The following RAB4A variants were observed in gnomAD, a reference collection of about 807,000 sequenced individuals.
RAB4A encodes ras-related protein Rab-4A.
Under a neutral mutation model 34.5 loss-of-function variants are expected in RAB4A, and 20 were observed. That is an observed-to-expected ratio of 0.58 (90% CI 0.41 to 0.84). RAB4A has a LOEUF of 0.84. RAB4A is among the 40% of genes least tolerant of loss of function. The pLI, the probability that RAB4A is intolerant of heterozygous loss-of-function variation, is 0.00. For missense variants in RAB4A, 228 were observed against 274.5 expected (o/e 0.83, Z 1.20); for synonymous variants, 102 against 100.0 (o/e 1.02, Z -0.12).
At position 229,304,151 on chromosome 1, in the gene RAB4A, TTTTA is replaced by T. The variant is rs2102682441; in HGVS notation, c.*362_*365del. The T allele has an allele frequency of 6.6e-6, 1 of 152,258 alleles. No homozygotes were observed. The highest frequency in any genetic ancestry group is 2.4e-5 in the African/African-American group (1 of 41,534). The allele number at this position is 152,258 out of a possible 1,614,324, so 9.4% of individuals were successfully genotyped here. On this transcript the variant is annotated 3_prime_UTR_variant, in exon 8 of 8. Coordinates refer to ENST00000366690, the MANE Select transcript of RAB4A (RefSeq NM_004578.4). The stretch of plus-strand genomic sequence containing the variant: ...ATGTGGCACTAAATGCAGTTTCAGA[TTTTA>T]TTTTTTTTAATCATATGAACTAAAA...
intron 3 of RAB4A, 124 bp from the exon 4 acceptor site, chr1:229,295,724 T>C: frequency 1.2e-6 from 1 of 847,174 alleles, no homozygotes; most frequent in South Asian, 1.6e-5. Context: ...TCATTTCTCT[T>C]TTAAACCAGT....
intron 1 of RAB4A, among the ~76,000 whole-genome samples, chr1:229,278,944 C>T (rs1656714402): frequency 6.6e-6 from 1 of 152,190 alleles, no homozygotes; most frequent in South Asian, 2.1e-4. Flanking sequence ...AGAACTGCTT[C>T]CCCAAATCTC....
At chr1:229,301,493 C>A (rs1477611295) in intron 6 of RAB4A, among the ~76,000 whole-genome samples, 1 of 151,982 alleles carries the variant, frequency 6.6e-6, no homozygotes, top group Non-Finnish European at 1.5e-5. Context: ...TAAATCCTTA[C>A]AGTTGGCTTA....
At position 229,304,102 on chromosome 1, in the gene RAB4A, G is replaced by C. The variant is rs1486062633; in HGVS notation, c.*309G>C. ...TAGCCCAGTGCGGCTCCACAGCATG[G>C]AATCTGATGTATGATATGATAGAAT... On this transcript the variant is annotated 3_prime_UTR_variant, in exon 8 of 8. Transcript: ENST00000366690. 6.6e-6 allele frequency: 1 copy of C among 152,146 alleles called. No homozygotes were observed. 9.4% of individuals were successfully genotyped at this position (152,146 alleles called of 1,614,324 possible).
At chr1:229,289,302 A>G (rs1014055549) in intron 3 of RAB4A, 2 of 154,566 alleles carry the variant, frequency 1.3e-5, no homozygotes, top group Non-Finnish European at 2.9e-5. Context: ...CAATAGGGTC[A>G]TAACTGAGGC....
chr1:229,271,868 A>T (rs924067688), intron 1 of RAB4A, among the ~76,000 whole-genome samples: 1 of 152,098 alleles, frequency 6.6e-6, no homozygotes, highest in Non-Finnish European at 1.5e-5. Context: ...AGGCTAATTC[A>T]TTCATCTCTT....
intron 3 of RAB4A, among the ~76,000 whole-genome samples, chr1:229,290,247 G>A (rs1657033661): frequency 6.6e-6 from 1 of 152,140 alleles, no homozygotes; most frequent in East Asian, 1.9e-4. Context: ...ACGTTGAAAT[G>A]GAGTCTAGAC....
rs536191368 is a variant in RAB4A at position 229,296,084 on chromosome 1, C to T, written c.290+174C>T. On this transcript the variant is annotated intron_variant, in intron 4 of 7. Transcript: ENST00000366690. Reference sequence around the variant, plus strand: ...ATCTGGGGTCTCAGAGGTCTTTGAACGAGCCCCTACCACTGCTTTCCCCTG... The same window carrying T: ...ATCTGGGGTCTCAGAGGTCTTTGAATGAGCCCCTACCACTGCTTTCCCCTG... Among the ~76,000 whole-genome samples the T allele has an allele frequency of 9.7e-4, 148 of 152,318 alleles. 1 individual carries two copies. The Middle Eastern group carries it at 0.024, about 25-fold the overall frequency.
intron 3 of RAB4A, among the ~76,000 whole-genome samples, chr1:229,293,413 G>C (rs921325455): frequency 2.0e-5 from 3 of 152,210 alleles, no homozygotes; most frequent in African/African-American, 7.2e-5. Context: ...CGATCCCAAG[G>C]CTCTCTAGCC....
At chr1:229,293,014 C>T (rs1657135387) in intron 3 of RAB4A, among the ~76,000 whole-genome samples, 1 of 152,236 alleles carries the variant, frequency 6.6e-6, no homozygotes, top group African/African-American at 2.4e-5. Context: ...TGGCAGTTCC[C>T]ACACCCTCCA....
chr1:229,281,819 TATA>T (rs1558235884), intron 1 of RAB4A, among the ~76,000 whole-genome samples: 8 of 1,836 alleles, frequency 4.4e-3, no homozygotes, highest in African/African-American at 0.012. Context: ...ATCATAGTTA[TATA>T]TATATATATA....
chr1:229,283,439 T>C (rs1438687538), intron 1 of RAB4A, among the ~76,000 whole-genome samples: 1 of 152,246 alleles, frequency 6.6e-6, no homozygotes, highest in Admixed American at 6.5e-5. Flanking sequence ...TAGTTTTTGC[T>C]GTGGTGCTTG....
At position 229,304,893 on chromosome 1, in the gene RAB4A, A is replaced by G; in HGVS notation, c.*1100A>G. 3.3e-6 allele frequency: 1 copy of G among 300,978 alleles called. No individual in the cohort carries two copies. Among genetic ancestry groups the G allele is most frequent in the Non-Finnish European group, 6.0e-6 (1 of 166,772 alleles). 18.6% of individuals were successfully genotyped at this position (300,978 alleles called of 1,614,324 possible). A position where few individuals can be genotyped will look rare whatever the true frequency, so the allele number is the denominator to read the frequency against. ...TATTGAAGTATATATTGTATTACAA[A>G]GACTTGTTCTTGTATTTTAAAATGT... On this transcript the variant is annotated 3_prime_UTR_variant, in exon 8 of 8. Coordinates refer to ENST00000366690, the MANE Select transcript of RAB4A (RefSeq NM_004578.4).
rs757792713 is a variant in RAB4A at position 229,288,850 on chromosome 1, T to C, written c.227+7T>C. ...CAGGACAAGAACGATTCAGGTAGCTTTTCTCTAACTTAATAAAAATATTTG... is the reference window on the plus strand; with the variant it reads ...CAGGACAAGAACGATTCAGGTAGCTCTTCTCTAACTTAATAAAAATATTTG... On this transcript the variant is annotated splice_region_variant and intron_variant, in intron 3 of 7. Transcript: ENST00000366690. 1.4e-5 allele frequency: 20 copies of C among 1,388,430 alleles called. No individual in the cohort carries two copies. Among genetic ancestry groups the C allele is most frequent in the Non-Finnish European group, 1.6e-5 (16 of 988,570 alleles). 86.0% of individuals were successfully genotyped at this position (1,388,430 alleles called of 1,614,324 possible). A position where few individuals can be genotyped will look rare whatever the true frequency, so the allele number is the denominator to read the frequency against.
intron 1 of RAB4A, among the ~76,000 whole-genome samples, chr1:229,284,094 G>GTTTT (rs773213321): frequency 2.8e-4 from 13 of 45,918 alleles, no homozygotes; most frequent in African/African-American, 4.1e-4. Context: ...GTGTTGTTTG[G>GTTTT]TTTTTTTTTT....
chr1:229,273,732 C>G (rs970079955), intron 1 of RAB4A, among the ~76,000 whole-genome samples: 6 of 152,098 alleles, frequency 3.9e-5, no homozygotes, highest in Non-Finnish European at 7.3e-5. Context: ...GAGTGAGACT[C>G]TGTCTCAAAA....
intron 1 of RAB4A, among the ~76,000 whole-genome samples, chr1:229,282,576 G>C (rs189257112): frequency 6.6e-6 from 1 of 152,114 alleles, no homozygotes. Context: ...ATGAATGTTA[G>C]ATCTTTTTCA....
chr1:229,295,468 A>G (rs1369616429), intron 3 of RAB4A, among the ~76,000 whole-genome samples: 3 of 152,044 alleles, frequency 2.0e-5, no homozygotes, highest in Non-Finnish European at 4.4e-5. Context: ...ACTGGAAGAG[A>G]TGGAGAAAAT....
At chr1:229,274,453 A>G (rs778177798) in intron 1 of RAB4A, among the ~76,000 whole-genome samples, 1 of 152,108 alleles carries the variant, frequency 6.6e-6, no homozygotes, top group Non-Finnish European at 1.5e-5. Context: ...CCTTCCATAG[A>G]CTGAGTAGTG....
Sources: gnomAD v4.1 joint callset for allele counts (sites outside exome capture counted in the v4.1 genomes callset) on GRCh38, gnomAD v4.1.1 for gene constraint, MANE v1.5 for transcripts, NCBI Gene and HGNC (gene_info 2026-07-23, HGNC 2026-07-21) for gene names.